The following ARHGEF40 variants were observed in gnomAD, a reference collection of about 807,000 sequenced individuals.
ARHGEF40 encodes the protein Rho guanine nucleotide exchange factor (GEF) 40.
In ARHGEF40, 98 loss-of-function variants were observed where a neutral mutation model predicts 165.9. The observed-to-expected ratio is 0.59, with a 90% confidence interval of 0.50 to 0.70. The LOEUF (loss-of-function observed/expected upper bound fraction) is 0.70. ARHGEF40 is among the 30% of genes least tolerant of loss of function. The pLI is 0.00. For synonymous variants in ARHGEF40, 792 were observed against 814.3 expected, an observed-to-expected ratio of 0.97 and a Z score of 0.47; for missense variants, 1,815 against 1,968.0, an observed-to-expected ratio of 0.92 and a Z score of 1.47.
Position 21,082,854 on chromosome 14 carries a change from A to C in ARHGEF40, c.3510A>C (p.Ala1170=), listed in dbSNP as rs1353753139. ...LRHGDQFSLY[A]QYVKHRHKLE... ...AGGGGGACCAGTTCAGCCTTTATGC[A>C]CAGTACGTGAAGCACCGACACAAAC... The change falls in exon 16 of 24, where the codon GCA becomes GCC. Residue 1170 remains alanine, a synonymous_variant. Coordinates refer to ENST00000298694, the MANE Select transcript of ARHGEF40 (RefSeq NM_018071.5). 2.5e-6 allele frequency: 4 copies of C among 1,614,210 alleles called. No homozygotes were observed. The East Asian group carries it at 8.9e-5, about 36-fold the overall frequency.
At position 21,080,963 on chromosome 14, in the gene ARHGEF40, C is replaced by G. The variant is rs754261980; in HGVS notation, c.2587C>G (p.Gln863Glu). The part of the protein sequence containing the change: ...VLDIFEQRLE[Q>E]VESGLHRALR... ...GGATATCTTTGAACAGCGGCTGGAG[C>G]AGGTTGAGAGTGGCCTCCATCGGGC... The change falls in exon 13 of 24, where the codon CAG becomes GAG. Residue 863 changes from glutamine to glutamate, a missense_variant. Coordinates refer to ENST00000298694, the MANE Select transcript of ARHGEF40 (RefSeq NM_018071.5). The G allele has an allele frequency of 6.2e-7, 1 of 1,614,098 alleles. No individual in the cohort carries two copies. The highest frequency in any genetic ancestry group is 1.3e-5 in the African/African-American group (1 of 74,946).
chr14:21,082,998 A>G (rs1255441673), intron 16 of ARHGEF40, 81 bp downstream of exon 16: 4 of 1,248,634 alleles, frequency 3.2e-6, no homozygotes, highest in Non-Finnish European at 4.6e-6. Context: ...CCCTCAGGGC[A>G]AAAAACTGGA....
At chr14:21,071,441 CCG>C (rs1357183029) in intron 1 of ARHGEF40, among the ~76,000 whole-genome samples, 3 of 152,142 alleles carry the variant, frequency 2.0e-5, no homozygotes, top group Non-Finnish European at 2.9e-5. Flanking sequence ...ACTACTGGGG[CCG>C]CCCCTCTACG....
intron 11 of ARHGEF40, among the ~76,000 whole-genome samples, chr14:21,079,928 C>G (rs185521273): frequency 6.6e-6 from 1 of 152,264 alleles, no homozygotes; most frequent in East Asian, 1.9e-4. Flanking sequence ...TGAAGCTCCT[C>G]TGAGTTCCCA....
At chr14:21,067,282 GT>G (rs11444511), upstream of ARHGEF40, among the ~76,000 whole-genome samples, 2,173 of 150,728 alleles carry the variant, frequency 0.014, 45 homozygotes, top group East Asian at 0.094. Flanking sequence ...AAAAAGGTAG[GT>G]TTTTTTTTTC....
Position 21,075,183 on chromosome 14 carries a change from G to A in ARHGEF40, c.1450+3G>A. 1 of 1,590,318 alleles carries A rather than the reference G, an allele frequency of 6.3e-7. No homozygotes were observed. Among genetic ancestry groups the A allele is most frequent in the South Asian group, 1.1e-5 (1 of 87,256 alleles). Reference sequence around the variant, plus strand: ...GCCAGGCCTGCTGTGTATGGCAGGTGAGATGACACGGAGTGAGGCTCATGG... The same window carrying A: ...GCCAGGCCTGCTGTGTATGGCAGGTAAGATGACACGGAGTGAGGCTCATGG... On this transcript the variant is annotated splice_donor_region_variant and intron_variant, in intron 3 of 23. Coordinates refer to ENST00000298694, the MANE Select transcript of ARHGEF40 (RefSeq NM_018071.5). The surrounding 1 kb of genome is among the most constrained non-coding windows in gnomAD (Gnocchi z 4.5).
In ARHGEF40 at chr14:21,070,497, G is replaced by A; in HGVS notation, c.3+98G>A. ...GCCTGGTGCCTCCCGAGCCTGCCTCGGACTGTTCGGCCCCTCTGGGACTCT... is the reference window on the plus strand; with the variant it reads ...GCCTGGTGCCTCCCGAGCCTGCCTCAGACTGTTCGGCCCCTCTGGGACTCT... On this transcript the variant is annotated intron_variant, in intron 1 of 23. Coordinates refer to ENST00000298694, the MANE Select transcript of ARHGEF40 (RefSeq NM_018071.5). This position sits in a 1 kb window ranked among gnomAD's most constrained non-coding sequence, Gnocchi z 4.7. 3 of 1,334,220 alleles carry A rather than the reference G, an allele frequency of 2.2e-6. No individual in the cohort carries two copies. Among genetic ancestry groups the A allele is most frequent in the Non-Finnish European group, 2.9e-6 (3 of 1,033,228 alleles). The allele number at this position is 1,334,220 out of a possible 1,614,324, so 82.6% of individuals were successfully genotyped here.
At chr14:21,081,389 G>C (rs1887879886) in intron 13 of ARHGEF40, 120 bp from the exon 14 acceptor site, 1 of 1,375,032 alleles carries the variant, frequency 7.3e-7, no homozygotes, top group South Asian at 1.4e-5. Context: ...GAGAAAACAG[G>C]AGAGTGACGG....
At chr14:21,082,954 A>G (rs771313047) in intron 16 of ARHGEF40, 37 bp downstream of exon 16, 15 of 1,597,388 alleles carry the variant, frequency 9.4e-6, no homozygotes, top group Middle Eastern at 3.3e-4. Context: ...AAAAGTAGAG[A>G]GGCCAGAAAG....
rs1268385087 is a variant in ARHGEF40, at chr14:21,074,363, G to A, written c.633G>A (p.Gly211=). 1 of 1,613,550 alleles carries A rather than the reference G, an allele frequency of 6.2e-7. No individual in the cohort carries two copies. Among genetic ancestry groups the A allele is most frequent in the Non-Finnish European group, 8.5e-7 (1 of 1,179,716 alleles). Residue 211 remains glycine, a synonymous_variant, in exon 3 of 24, where the codon GGG becomes GGA. Transcript: ENST00000298694. This position sits in a 1 kb window ranked among gnomAD's most constrained non-coding sequence, Gnocchi z 4.8. ...CAGAACTGCCCTCTGGACCTCCAGG[G>A]CTTCCCAGCCCTCCACTTCCTGAGG... ...LPPELPSGPP[G]LPSPPLPEEA...
chr14:21,084,798 A>T lies in ARHGEF40; in HGVS notation c.3835A>T (p.Thr1279Ser). 6.2e-7 allele frequency: 1 copy of T among 1,614,106 alleles called. No homozygotes were observed. The highest frequency in any genetic ancestry group is 1.1e-5 in the South Asian group (1 of 91,080). ...QGQLLHRDPF[T>S]VICGRKKCLR... ...ACAGCTCTTGCATCGAGACCCCTTC[A>T]CTGTCATCTGTGGCCGAAAGAAGTG... The change falls in exon 18 of 24, where the codon ACT becomes TCT. Residue 1279 changes from threonine to serine, a missense_variant. Coordinates refer to ENST00000298694, the MANE Select transcript of ARHGEF40 (RefSeq NM_018071.5).
In ARHGEF40 at chr14:21,087,036, G is replaced by A. The variant is rs1421076302; in HGVS notation, c.4174G>A (p.Gly1392Arg). 1 of 1,605,098 alleles carries A rather than the reference G, an allele frequency of 6.2e-7. No individual in the cohort carries two copies. Among genetic ancestry groups the A allele is most frequent in the East Asian group, 2.2e-5 (1 of 44,652 alleles). Residue 1392 changes from glycine to arginine, a missense_variant, in exon 20 of 24, where the codon GGG becomes AGG. Physicochemically the swap from Gly to Arg is moderately radical, Grantham distance 125. Transcript: ENST00000298694. ...RVQQMVSMGI[G>R]NKPFLDIKAL... Reference sequence around the variant, plus strand: ...GCAGCAGATGGTGTCCATGGGCATTGGGAATAAACCCTTCCTGGACATCAA... The same window carrying A: ...GCAGCAGATGGTGTCCATGGGCATTAGGAATAAACCCTTCCTGGACATCAA...
At chr14:21,069,375 C>T (rs746799633), upstream of ARHGEF40, among the ~76,000 whole-genome samples, 3 of 152,220 alleles carry the variant, frequency 2.0e-5, no homozygotes, top group Non-Finnish European at 2.9e-5. Context: ...CTGCGGGACT[C>T]TATAGCCACC....
At chr14:21,083,033 A>G (rs1416885385) in intron 16 of ARHGEF40, 116 bp downstream of exon 16, 17 of 865,306 alleles carry the variant, frequency 2.0e-5, no homozygotes, top group Non-Finnish European at 3.1e-5. Flanking sequence ...TCACCTACCA[A>G]TCATCTCCTA....
intron 8 of ARHGEF40, 135 bp from the exon 9 acceptor site, chr14:21,078,042 A>T: frequency 2.8e-6 from 2 of 712,934 alleles, no homozygotes; most frequent in Non-Finnish European, 4.5e-6. Context: ...TCATACAATT[A>T]GTTAGCAACA....
In ARHGEF40 at chr14:21,083,949, A is replaced by T; in HGVS notation, c.3688A>T (p.Ser1230Cys). ...ELLREAGPEL[S>C]SECRALGAAV... ...CCTGAGGGAAGCTGGGCCTGAGCTC[A>T]GTTCTGAGTGCCGGGCCCTTGGGGC... Residue 1230 changes from serine (S) to cysteine (C), a missense_variant, in exon 17 of 24, where the codon AGT becomes TGT. Physicochemically the swap from Ser to Cys is moderately radical, Grantham distance 112. Transcript: ENST00000298694. The T allele has an allele frequency of 1.2e-6, 2 of 1,614,058 alleles. No individual in the cohort carries two copies. Among genetic ancestry groups the T allele is most frequent in the Non-Finnish European group, 1.7e-6 (2 of 1,180,016 alleles).
Position 21,074,830 on chromosome 14 carries a change from G to T in ARHGEF40, c.1100G>T (p.Gly367Val). ...GGGGGGQGAE[G>V]PPGTPRRTGK... ...GGAGGAGGAGGCCAGGGGGCTGAAG[G>T]ACCACCTGGTACCCCTCGGAGAACA... Residue 367 changes from glycine (G) to valine (V), a missense_variant, in exon 3 of 24, where the codon GGA becomes GTA. By Grantham distance (109) the Gly-to-Val change is moderately radical. Coordinates refer to ENST00000298694, the MANE Select transcript of ARHGEF40 (RefSeq NM_018071.5). This position sits in a 1 kb window ranked among gnomAD's most constrained non-coding sequence, Gnocchi z 4.8. The T allele has an allele frequency of 2.5e-6, 4 of 1,607,364 alleles. No homozygotes were observed. The highest frequency in any genetic ancestry group is 3.4e-6 in the Non-Finnish European group (4 of 1,177,144).
rs758871618 is a variant in ARHGEF40 at position 21,084,042 on chromosome 14, G to A, written c.3781G>A (p.Gly1261Ser). 6.2e-7 allele frequency: 1 copy of A among 1,606,590 alleles called. No homozygotes were observed. The highest frequency in any genetic ancestry group is 1.1e-5 in the South Asian group (1 of 90,088). The change falls in exon 17 of 24, where the codon GGC (glycine) becomes AGC (serine). Residue 1261 changes from glycine (G) to serine (S), a missense_variant. Coordinates refer to ENST00000298694, the MANE Select transcript of ARHGEF40 (RefSeq NM_018071.5). ...CCTGCTGGCCGTGGAGGCGGTGCGT[G>A]GCTGTGAGGTGAGGCCCTAGCTCCA... ...RDLLAVEAVR[G>S]CEIDLKEQGQ...
Position 21,082,404 on chromosome 14 carries a change from C to T in ARHGEF40, c.3412C>T (p.Arg1138Trp), listed in dbSNP as rs759147946. The T allele has an allele frequency of 8.3e-5, 133 of 1,611,424 alleles. No individual in the cohort carries two copies. Among genetic ancestry groups the T allele is most frequent in the African/African-American group, 1.1e-4 (8 of 74,926 alleles). Residue 1138 changes from arginine to tryptophan, a missense_variant, in exon 15 of 24, where the codon CGG becomes TGG. Arg to Trp is a moderately radical substitution (Grantham distance 101, BLOSUM62 -3). Coordinates refer to ENST00000298694, the MANE Select transcript of ARHGEF40 (RefSeq NM_018071.5). The stretch of plus-strand genomic sequence containing the variant: ...CCGGGAAAGGCTTCGCAGCTTCCAC[C>T]GGACACACTTTCTGCGGGAGCTTCA... ...SARERLRSFH[R>W]THFLRELQGC...
Sources: allele counts gnomAD v4.1 joint callset (sites outside exome capture counted in the v4.1 genomes callset), GRCh38; gene constraint gnomAD v4.1.1; non-coding constraint Gnocchi (gnomAD v3.1); transcripts MANE v1.5; gene names NCBI Gene and HGNC (gene_info 2026-07-23, HGNC 2026-07-21).